The following IDS variants were observed in gnomAD, a reference collection of about 807,000 sequenced individuals.
IDS encodes the protein iduronate 2-sulfatase.
In IDS, 1 loss-of-function variant was observed where a neutral mutation model predicts 33.5. That is an observed-to-expected ratio of 0.03 (90% CI 0.01 to 0.14). The LOEUF (loss-of-function observed/expected upper bound fraction) is 0.14, where lower values mean the gene tolerates loss of function less well. Among genes scored for constraint, IDS ranks in the 10% least tolerant of loss-of-function variants. The pLI, the probability that IDS is intolerant of heterozygous loss-of-function variation, is 1.00. For synonymous variants in IDS, 191 were observed against 184.4 expected, an observed-to-expected ratio of 1.04 and a Z score of -0.29; for missense variants, 328 against 448.0, an observed-to-expected ratio of 0.73 and a Z score of 2.42.
chrX:149,496,627 G>T, intron 5 of IDS, 111 bp from the exon 6 acceptor site: 2 of 825,657 alleles, frequency 2.4e-6, no homozygotes, highest in Non-Finnish European at 3.6e-6. Context: ...ATGCATTTGA[G>T]TGGTGGCTCA....
intron 6 of IDS, 51 bp downstream of exon 6, chrX:149,496,295 C>T (rs782465476): frequency 1.3e-5 from 14 of 1,087,359 alleles, no homozygotes; most frequent in African/African-American, 3.6e-5. Context: ...GTTTCACCTA[C>T]GACACTATGT....
chrX:149,503,856 C>A (rs1329866066), intron 2 of IDS, among the ~76,000 whole-genome samples: 7 of 111,815 alleles, frequency 6.3e-5, no homozygotes, highest in African/African-American at 2.3e-4. Context: ...TGCCCTTCTG[C>A]AGCACCCCTT....
At chrX:149,494,904 C>G (rs1233022103) in intron 6 of IDS, among the ~76,000 whole-genome samples, 2 of 111,934 alleles carry the variant, frequency 1.8e-5, no homozygotes, top group Non-Finnish European at 3.8e-5. Context: ...CGAACCCACA[C>G]TGCTGGGAAC....
intron 6 of IDS, among the ~76,000 whole-genome samples, chrX:149,494,668 G>A (rs905433448): frequency 7.1e-5 from 8 of 112,007 alleles, no homozygotes; most frequent in African/African-American, 2.6e-4. Context: ...TGTGTAAGGA[G>A]GGGACTAAGA....
chrX:149,496,156 T>C (rs1323124103), intron 6 of IDS, among the ~76,000 whole-genome samples, 190 bp downstream of exon 6: 1 of 112,212 alleles, frequency 8.9e-6, no homozygotes, highest in Non-Finnish European at 1.9e-5. Flanking sequence ...AGAGTCCTGA[T>C]CCAGGCAACA....
At chrX:149,487,601 A>C (rs1241341850) in intron 7 of IDS, among the ~76,000 whole-genome samples, 7 of 112,517 alleles carry the variant, frequency 6.2e-5, no homozygotes. Flanking sequence ...CGGCAAATTC[A>C]AAAAAGACAA....
At position 149,495,086 on chromosome X, in the gene IDS, G is replaced by A. The variant is rs149920729; in HGVS notation, c.879+1260C>T. Among the ~76,000 whole-genome samples, 326 of 112,041 alleles carry A rather than the reference G, an allele frequency of 2.9e-3. 1 individual carries two copies. The highest frequency in any genetic ancestry group is 5.3e-3 in the Non-Finnish European group (280 of 53,190). ...CTAAGTCCCCATGAGGACTAAAGGC[G>A]ATACCACACATGAATCAGCGCCCTT... On this transcript the variant is annotated intron_variant, in intron 6 of 8. Coordinates refer to ENST00000340855, the MANE Select transcript of IDS (RefSeq NM_000202.8).
rs2089452169 is a variant in IDS, at chrX:149,498,238, C to T, written c.577G>A (p.Glu193Lys). The change falls in exon 5 of 9, where the codon GAG (glutamate) becomes AAG (lysine). Residue 193 changes from glutamate (E) to lysine (K), a missense_variant. Around this residue, in one of 4 missense-constraint regions of IDS, gnomAD observed 265 missense variants for 339.2 expected, o/e 0.78. Coordinates refer to ENST00000340855, the MANE Select transcript of IDS (RefSeq NM_000202.8). ...CTCTGTTTGTCAGGCAAGGTGCCCT[C>T]GGGAACATCCAGCACATCCACAGGG... ...LCPVDVLDVPEGTLPDKQSTE... is the reference protein window; with the variant it reads ...LCPVDVLDVPKGTLPDKQSTE... The T allele has an allele frequency of 4.1e-6, 5 of 1,210,156 alleles. No individual in the cohort carries two copies. Among genetic ancestry groups the T allele is most frequent in the Non-Finnish European group, 3.4e-6 (3 of 894,947 alleles).
chrX:149,502,238 C>T (rs1557340084), intron 3 of IDS: 2 of 315,918 alleles, frequency 6.3e-6, no homozygotes, highest in Non-Finnish European at 1.2e-5. Flanking sequence ...TGCCAAAATC[C>T]AATCATCAGG....
chrX:149,496,681 T>G (rs1375329202), intron 5 of IDS, among the ~76,000 whole-genome samples, 165 bp from the exon 6 acceptor site: 1 of 112,415 alleles, frequency 8.9e-6, no homozygotes, highest in South Asian at 3.7e-4. Context: ...AAGTCCAGCC[T>G]TAAGTTACTC....
At chrX:149,487,332 A>G (rs1230657603) in intron 7 of IDS, 2 of 1,116,422 alleles carry the variant, frequency 1.8e-6, no homozygotes, top group African/African-American at 3.6e-5. Flanking sequence ...AAGAAAAAAT[A>G]ATTAAATTCC....
chrX:149,492,336 T>G (rs1381069710), intron 6 of IDS, among the ~76,000 whole-genome samples: 1 of 111,153 alleles, frequency 9.0e-6, no homozygotes, highest in East Asian at 2.8e-4. Flanking sequence ...GCCTGGGAGA[T>G]TCAGGGAAGG....
rs1214848562 is a variant in IDS, at chrX:149,482,066, T to C, written c.*680A>G. The C allele has an allele frequency of 8.9e-6, 1 of 112,577 alleles. No homozygotes were observed. The highest frequency in any genetic ancestry group is 1.9e-5 in the Non-Finnish European group (1 of 53,303). The allele number at this position is 112,577 out of a possible 1,213,427, so 9.3% of individuals were successfully genotyped here. On this transcript the variant is annotated 3_prime_UTR_variant, in exon 9 of 9. Transcript: ENST00000340855. ...TTAACCAAATTTCCTACACATCTCATATCTCTAGTTTATTAAGCATTATTT... is the reference window on the plus strand; with the variant it reads ...TTAACCAAATTTCCTACACATCTCACATCTCTAGTTTATTAAGCATTATTT...
At chrX:149,504,323 T>C in intron 1 of IDS, 30 bp from the exon 2 acceptor site, 1 of 1,187,387 alleles carries the variant, frequency 8.4e-7, no homozygotes, top group Non-Finnish European at 1.1e-6. Flanking sequence ...TTTGGTGAGG[T>C]AACCTGCACT....
chrX:149,500,306 T>TA (rs1465604519), intron 4 of IDS, among the ~76,000 whole-genome samples: 2 of 111,808 alleles, frequency 1.8e-5, no homozygotes, highest in African/African-American at 6.5e-5. Flanking sequence ...GTCAAGAACT[T>TA]AGAACAATAC....
chrX:149,494,371 G>A (rs2089418917), intron 6 of IDS, among the ~76,000 whole-genome samples: 1 of 112,048 alleles, frequency 8.9e-6, no homozygotes. Context: ...GGTAGAGCAA[G>A]GGAAGTGCTA....
intron 1 of IDS, among the ~76,000 whole-genome samples, chrX:149,504,679 G>C (rs1432899892): frequency 9.3e-6 from 1 of 107,327 alleles, no homozygotes; most frequent in Non-Finnish European, 1.9e-5. Context: ...GAGGGGAGAA[G>C]AGAGAGAAAT....
intron 6 of IDS, among the ~76,000 whole-genome samples, chrX:149,493,552 C>A (rs1479359953): frequency 9.0e-6 from 1 of 111,398 alleles, no homozygotes; most frequent in Non-Finnish European, 1.9e-5. Context: ...GGCACTTTTG[C>A]AGCTGGGAGG....
intron 6 of IDS, among the ~76,000 whole-genome samples, chrX:149,494,693 T>A (rs57938213): frequency 5.5e-4 from 62 of 112,031 alleles, no homozygotes; most frequent in African/African-American, 1.8e-3. Flanking sequence ...TTGAAGGAGA[T>A]AGCTCCGTGC....
Sources: allele counts gnomAD v4.1 joint callset (sites outside exome capture counted in the v4.1 genomes callset), GRCh38; gene constraint gnomAD v4.1.1; regional missense constraint gnomAD v4.1.1; transcripts MANE v1.5; gene names NCBI Gene and HGNC (gene_info 2026-07-23, HGNC 2026-07-21).